PPP1R13L: variants seen among roughly 807,000 people sequenced by gnomAD.
The protein encoded by PPP1R13L is protein phosphatase 1 regulatory subunit 13 like, also known as relA-associated inhibitor.
In PPP1R13L, 50 loss-of-function variants were observed where a neutral mutation model predicts 80.9. That is an observed-to-expected ratio of 0.62 (90% CI 0.49 to 0.78). The LOEUF (loss-of-function observed/expected upper bound fraction) is 0.78. PPP1R13L is among the 30% of genes least tolerant of loss of function. PPP1R13L has a pLI of 0.00. For synonymous variants in PPP1R13L, 602 were observed against 534.3 expected (o/e 1.13, Z -1.75); for missense variants, 1,200 against 1,205.9 (o/e 1.00, Z 0.07).
At chr19:45,399,419 G>C (rs184493248) in intron 1 of PPP1R13L, among the ~76,000 whole-genome samples, 2 of 148,554 alleles carry the variant, frequency 1.3e-5, no homozygotes, top group Admixed American at 6.8e-5. Flanking sequence ...GGTCAGGAGA[G>C]CGAGACCATC....
intron 11 of PPP1R13L, 58 bp downstream of exon 11, chr19:45,385,504 C>A (rs1362459135): frequency 1.3e-6 from 2 of 1,509,330 alleles, no homozygotes; most frequent in Non-Finnish European, 8.9e-7. Context: ...GTAGTTGCTC[C>A]CCTCCCCGCT....
chr19:45,394,286 C>G (rs1973037166), intron 7 of PPP1R13L, among the ~76,000 whole-genome samples: 1 of 152,076 alleles, frequency 6.6e-6, no homozygotes, highest in African/African-American at 2.4e-5. Flanking sequence ...CGCCCACTAC[C>G]ATGCCCGGCA....
In PPP1R13L at chr19:45,397,029, A is replaced by T. The variant is rs747702887; in HGVS notation, c.228T>A (p.Pro76=). ...GGGACCCTCGGCTGCCGAAGGGCTC[A>T]GGGATCGAGCTGGAGCTGTACCGGG... ...RPPRYSSSSI[P]EPFGSRGSPR... is the part of the protein sequence containing the mutation. The change falls in exon 4 of 13, where the codon CCT becomes CCA. Residue 76 remains proline (P), a synonymous_variant. Coordinates refer to ENST00000360957, the MANE Select transcript of PPP1R13L (RefSeq NM_006663.4). The T allele has an allele frequency of 2.9e-6, 4 of 1,361,364 alleles. No individual in the cohort carries two copies. The highest frequency in any genetic ancestry group is 3.8e-6 in the Non-Finnish European group (4 of 1,059,500). The allele number at this position is 1,361,364 out of a possible 1,614,324, so 84.3% of individuals were successfully genotyped here.
At chr19:45,382,375 G>C (rs761959495) in intron 12 of PPP1R13L, 152 bp downstream of exon 12, 4 of 877,300 alleles carry the variant, frequency 4.6e-6, no homozygotes, top group Non-Finnish European at 5.2e-6. Context: ...CGGACTTTTC[G>C]TCTCCTCCCC....
chr19:45,387,285 AT>A (rs1447667298), intron 8 of PPP1R13L, among the ~76,000 whole-genome samples: 1 of 151,936 alleles, frequency 6.6e-6, no homozygotes, highest in Non-Finnish European at 1.5e-5. Flanking sequence ...AAAAAAATGC[AT>A]TTATTTATTC....
intron 1 of PPP1R13L, 107 bp from the exon 2 acceptor site, chr19:45,398,446 T>C: frequency 8.9e-7 from 1 of 1,118,304 alleles, no homozygotes; most frequent in Non-Finnish European, 1.3e-6. Context: ...ACTCAGTTCC[T>C]TCCCCTGGAA....
intron 6 of PPP1R13L, 28 bp from the exon 7 acceptor site, chr19:45,395,914 T>A: frequency 1.3e-6 from 2 of 1,526,686 alleles, no homozygotes; most frequent in Non-Finnish European, 1.8e-6. Context: ...GAGAAGGGGA[T>A]CGGGTGAGAG....
chr19:45,394,101 C>A (rs189884772), intron 7 of PPP1R13L, among the ~76,000 whole-genome samples: 92 of 152,254 alleles, frequency 6.0e-4, no homozygotes, highest in African/African-American at 2.1e-3. Context: ...TGATCTCACA[C>A]CTCAAAATAT....
rs1190170903 is a variant in PPP1R13L at position 45,382,605 on chromosome 19, C to T, written c.2370G>A (p.Arg790=). The change falls in exon 12 of 13, where the codon AGG becomes AGA. Residue 790 remains arginine, a synonymous_variant. Transcript: ENST00000360957. ...ACCAGTCGGTCTCCTCCGGCCCGTC[C>T]CTCCGCAGCACGGTGACCGACTCGC... The part of the protein sequence containing the change: ...REGESVTVLR[R]DGPEETDWWW... 1.2e-6 allele frequency: 2 copies of T among 1,613,688 alleles called. No individual in the cohort carries two copies. The highest frequency in any genetic ancestry group is 1.7e-5 in the Admixed American group (1 of 60,024).
rs563581099 is a variant in PPP1R13L at position 45,385,195 on chromosome 19, G to T, written c.2248+367C>A. On this transcript the variant is annotated intron_variant, in intron 11 of 12. Transcript: ENST00000360957. ...AGCCTGCTCACCTGCCAGTGGTGTGGCAATGCCTCTCCCACAAGTGGCAGA... is the reference window on the plus strand; with the variant it reads ...AGCCTGCTCACCTGCCAGTGGTGTGTCAATGCCTCTCCCACAAGTGGCAGA... Among the ~76,000 whole-genome samples, 16 of 152,324 alleles carry T rather than the reference G, an allele frequency of 1.1e-4. No individual in the cohort carries two copies. In the South Asian group the frequency reaches 2.9e-3, roughly 28 times the overall value.
chr19:45,400,082 C>T (rs1973201321), intron 1 of PPP1R13L, among the ~76,000 whole-genome samples: 1 of 152,034 alleles, frequency 6.6e-6, no homozygotes, highest in Admixed American at 6.6e-5. Context: ...TGTTCAAGGT[C>T]ACCCTGCAAG....
At chr19:45,399,948 A>G (rs1324095396) in intron 1 of PPP1R13L, among the ~76,000 whole-genome samples, 1 of 144,316 alleles carries the variant, frequency 6.9e-6, no homozygotes, top group African/African-American at 2.6e-5. Context: ...GGCTCTATTT[A>G]AAAAAAAAAA....
intron 3 of PPP1R13L, among the ~76,000 whole-genome samples, chr19:45,397,459 GCTTTCTCTCTCTCT>G (rs1354206770): frequency 3.7e-5 from 1 of 27,264 alleles, no homozygotes. Context: ...CTGCTTGCTT[GCTTTCTCTCTCTCT>G]CTTTCTTTCT....
chr19:45,402,145 G>T (rs1973244853), intron 1 of PPP1R13L: 1 of 152,122 alleles, frequency 6.6e-6, no homozygotes, highest in African/African-American at 2.4e-5. Flanking sequence ...AAAAACTCGG[G>T]CATTTAGAAT....
Position 45,395,627 on chromosome 19 carries a change from C to A in PPP1R13L, c.1163G>T (p.Ser388Ile). The A allele has an allele frequency of 1.4e-6, 2 of 1,473,694 alleles. No homozygotes were observed. Among genetic ancestry groups the A allele is most frequent in the Non-Finnish European group, 1.8e-6 (2 of 1,117,796 alleles). 91.3% of individuals were successfully genotyped at this position (1,473,694 alleles called of 1,614,324 possible). A position where few individuals can be genotyped will look rare whatever the true frequency, so the allele number is the denominator to read the frequency against. Residue 388 changes from serine to isoleucine, a missense_variant, in exon 7 of 13, where the codon AGC becomes ATC. Ser to Ile is a moderately radical substitution (Grantham distance 142). Coordinates refer to ENST00000360957, the MANE Select transcript of PPP1R13L (RefSeq NM_006663.4). ...GGGGGACCCAGGGAGCATGGCGCGG[C>A]TGGCCCCGTGCTCCCAGAAGGCGTT... The part of the protein sequence containing the change: ...LQNAFWEHGA[S>I]RAMLPGSPLF...
chr19:45,392,425 A>C (rs1477811140), intron 7 of PPP1R13L, 85 bp from the exon 8 acceptor site: 1 of 1,377,728 alleles, frequency 7.3e-7, no homozygotes, highest in South Asian at 1.2e-5. Flanking sequence ...GCATACAACC[A>C]GCACATGATT....
intron 9 of PPP1R13L, 39 bp from the exon 10 acceptor site, chr19:45,385,996 G>T: frequency 6.4e-7 from 1 of 1,567,200 alleles, no homozygotes. Context: ...CAGTCCCGCG[G>T]CTGGCATCTG....
At chr19:45,398,970 G>A (rs1167636446) in intron 1 of PPP1R13L, among the ~76,000 whole-genome samples, 1 of 151,738 alleles carries the variant, frequency 6.6e-6, no homozygotes, top group Non-Finnish European at 1.5e-5. Context: ...TTGAGATGGT[G>A]TCTCGCATTT....
Position 45,386,063 on chromosome 19 carries a change from G to T in PPP1R13L, c.1933C>A (p.Gln645Lys). Residue 645 changes from glutamine (Q) to lysine (K), a missense_variant, in exon 9 of 13, where the codon CAG (glutamine) becomes AAG (lysine). Physicochemically the swap from Gln to Lys is moderately conservative, Grantham distance 53. This residue lies in a region of PPP1R13L where 214 missense variants were observed against 199.6 expected (regional missense o/e 1.07). Coordinates refer to ENST00000360957, the MANE Select transcript of PPP1R13L (RefSeq NM_006663.4). ...GCAGCGCTCACCTCCTTCACCGCCT[G>T]CTGCACCACCTCCAGCTCCCCGGTC... is the stretch of plus-strand genomic sequence containing the variant. ...ALTGELEVVQ[Q>K]AVKEMNDPSQ... 1 of 1,586,258 alleles carries T rather than the reference G, an allele frequency of 6.3e-7. No homozygotes were observed. Among genetic ancestry groups the T allele is most frequent in the African/African-American group, 1.3e-5 (1 of 74,662 alleles).
Sources: gnomAD v4.1 joint callset for allele counts (sites outside exome capture counted in the v4.1 genomes callset) on GRCh38, gnomAD v4.1.1 for gene constraint, gnomAD v4.1.1 regional missense constraint, MANE v1.5 for transcripts, NCBI Gene and HGNC (gene_info 2026-07-23, HGNC 2026-07-21) for gene names.